The following ELMO1 variants were observed in gnomAD, a reference collection of about 807,000 sequenced individuals.
ELMO1 encodes the protein engulfment and cell motility 1.
Under a neutral mutation model 98.9 loss-of-function variants are expected in ELMO1, and 26 were observed. The observed-to-expected ratio is 0.26, with a 90% CI of 0.19 to 0.36. The LOEUF (loss-of-function observed/expected upper bound fraction) is 0.36, where lower values mean the gene tolerates loss of function less well. ELMO1 is among the 10% of genes least tolerant of loss of function. The pLI, the probability that ELMO1 is intolerant of heterozygous loss-of-function variation, is 1.00. For synonymous variants in ELMO1, 346 were observed against 346.0 expected (o/e 1.00, Z 0.00); for missense variants, 627 against 935.2 (o/e 0.67, Z 4.30).
intron 15 of ELMO1, among the ~76,000 whole-genome samples, chr7:37,025,313 T>C (rs777983038): frequency 6.6e-6 from 1 of 152,246 alleles, no homozygotes; most frequent in Non-Finnish European, 1.5e-5. Context: ...GAAACACTTA[T>C]CTTGCTAAAT....
At chr7:37,407,337 G>A (rs528444808) in intron 1 of ELMO1, among the ~76,000 whole-genome samples, 33 of 151,890 alleles carry the variant, frequency 2.2e-4, no homozygotes, top group African/African-American at 7.2e-4. Flanking sequence ...CTGAAACCCC[G>A]TCTCTACTAA....
chr7:37,440,768 C>CA (rs11440673), intron 1 of ELMO1, among the ~76,000 whole-genome samples: 52,939 of 129,370 alleles, frequency 0.41, 10,349 homozygotes, highest in East Asian at 0.55. Context: ...GACTCCATCT[C>CA]AAAAAAAAAA....
At chr7:37,153,492 C>T (rs1162804734) in intron 13 of ELMO1, among the ~76,000 whole-genome samples, 4 of 152,318 alleles carry the variant, frequency 2.6e-5, no homozygotes, top group African/African-American at 7.2e-5. Context: ...CCCTCCTGTG[C>T]CTGGCTTGGC....
chr7:37,409,357 A>G (rs937392497), intron 1 of ELMO1, among the ~76,000 whole-genome samples: 8 of 152,218 alleles, frequency 5.3e-5, no homozygotes, highest in African/African-American at 1.9e-4. Flanking sequence ...TTATATGGCA[A>G]GTGTCCTGGC....
intron 4 of ELMO1, among the ~76,000 whole-genome samples, chr7:37,288,044 T>A (rs1342301062): frequency 6.6e-6 from 1 of 152,166 alleles, no homozygotes; most frequent in Non-Finnish European, 1.5e-5. Context: ...CACTGAAACC[T>A]CTGCCTCCCA....
In ELMO1 at chr7:37,250,716, G is replaced by A. The variant is rs144182543; in HGVS notation, c.414-6325C>T. Reference sequence around the variant, plus strand: ...CTGAGGCAGGAGAATGGCATGAACCGGGGAGGCGGAGCTTGCAATGAGCCA... The same window carrying A: ...CTGAGGCAGGAGAATGGCATGAACCAGGGAGGCGGAGCTTGCAATGAGCCA... On this transcript the variant is annotated intron_variant, in intron 6 of 21. Coordinates refer to ENST00000310758, the MANE Select transcript of ELMO1 (RefSeq NM_014800.11). Among the ~76,000 whole-genome samples the A allele has an allele frequency of 9.7e-3, 1,470 of 151,034 alleles. 25 individuals are homozygous for A. Among genetic ancestry groups the A allele is most frequent in the African/African-American group, 0.035 (1,416 of 41,036 alleles).
chr7:37,192,051 GAAGA>G (rs1406456081), intron 13 of ELMO1, among the ~76,000 whole-genome samples: 5 of 152,266 alleles, frequency 3.3e-5, no homozygotes, highest in African/African-American at 1.2e-4. Context: ...CACAGAAGAA[GAAGA>G]AAGATGCTAA....
chr7:37,112,997 C>T (rs75518675), intron 14 of ELMO1, among the ~76,000 whole-genome samples: 3,325 of 152,292 alleles, frequency 0.022, 123 homozygotes, highest in African/African-American at 0.076. Flanking sequence ...GGGAAGACAG[C>T]AGTGACTCAC....
chr7:37,252,733 G>T lies in ELMO1; in HGVS notation c.413+6448C>A, dbSNP rs187632614. 3.3e-3 allele frequency among the ~76,000 whole-genome samples: 501 copies of T among 152,134 alleles called. 2 individuals carry two copies. The highest frequency in any genetic ancestry group is 6.8e-3 in the Middle Eastern group (2 of 294). On this transcript the variant is annotated intron_variant, in intron 6 of 21. Coordinates refer to ENST00000310758, the MANE Select transcript of ELMO1 (RefSeq NM_014800.11). ...ACAAAAGCCAAAATAGACAAATGGG[G>T]TCTAATTAAACTAAAGAGCTTCTGC...
intron 13 of ELMO1, among the ~76,000 whole-genome samples, chr7:37,142,873 G>A (rs1262918938): frequency 3.3e-5 from 5 of 152,140 alleles, no homozygotes; most frequent in Non-Finnish European, 7.3e-5. Flanking sequence ...AAAGCTATAT[G>A]TTAGTGAAGC....
intron 13 of ELMO1, among the ~76,000 whole-genome samples, chr7:37,191,886 C>T (rs556787734): frequency 6.1e-4 from 93 of 151,788 alleles, no homozygotes; most frequent in Non-Finnish European, 1.1e-3. Flanking sequence ...CCAGTGACTA[C>T]CGCCTGGGCG....
At chr7:37,163,902 AG>A (rs1563047693) in intron 13 of ELMO1, among the ~76,000 whole-genome samples, 1 of 152,180 alleles carries the variant, frequency 6.6e-6, no homozygotes, top group Non-Finnish European at 1.5e-5. Context: ...AGATCCCTGA[AG>A]AATCGCCACA....
chr7:37,058,422 T>G (rs770412311), intron 15 of ELMO1, among the ~76,000 whole-genome samples: 2 of 152,166 alleles, frequency 1.3e-5, no homozygotes, highest in Non-Finnish European at 2.9e-5. Context: ...CACCAACCTC[T>G]CTCTCTCTTG....
At chr7:37,394,701 CAT>C (rs1803218977) in intron 1 of ELMO1, among the ~76,000 whole-genome samples, 1 of 152,054 alleles carries the variant, frequency 6.6e-6, no homozygotes, top group African/African-American at 2.4e-5. Context: ...CAGAATTTTG[CAT>C]CAATGTGAGA....
At chr7:37,230,036 C>T (rs901924770) in intron 8 of ELMO1, among the ~76,000 whole-genome samples, 13 of 152,176 alleles carry the variant, frequency 8.5e-5, no homozygotes, top group East Asian at 3.9e-4. Context: ...CACTCATCAC[C>T]GAAATTTTAC....
chr7:37,297,989 G>C (rs1171653106), intron 4 of ELMO1, among the ~76,000 whole-genome samples: 2 of 152,070 alleles, frequency 1.3e-5, no homozygotes, highest in African/African-American at 4.8e-5. Context: ...CTAAGTAATA[G>C]GATTTTGATC....
intron 1 of ELMO1, among the ~76,000 whole-genome samples, chr7:37,384,536 A>T (rs771518330): frequency 5.3e-5 from 8 of 152,058 alleles, no homozygotes; most frequent in East Asian, 1.9e-4. Flanking sequence ...CTGGCTAACA[A>T]GGTGAAACCC....
chr7:37,095,520 C>T (rs1784323461), intron 15 of ELMO1, among the ~76,000 whole-genome samples: 1 of 152,182 alleles, frequency 6.6e-6, no homozygotes. Flanking sequence ...TGTTCTAATG[C>T]AAAAATGCTC....
At chr7:37,427,356 A>G (rs144785031) in intron 1 of ELMO1, among the ~76,000 whole-genome samples, 4 of 152,370 alleles carry the variant, frequency 2.6e-5, no homozygotes, top group African/African-American at 9.6e-5. Flanking sequence ...CTCTCCCTCC[A>G]GGAAAAACAC....
Sources: allele counts gnomAD v4.1 joint callset (sites outside exome capture counted in the v4.1 genomes callset), GRCh38; gene constraint gnomAD v4.1.1; transcripts MANE v1.5; gene names NCBI Gene and HGNC (gene_info 2026-07-23, HGNC 2026-07-21).